Variants in CNTN4 observed in about 807,000 individuals in gnomAD.
CNTN4 encodes contactin 4, also known as contactin-4.
Under a neutral mutation model 122.5 loss-of-function variants are expected in CNTN4, and 77 were observed. The observed-to-expected ratio is 0.63, with a 90% confidence interval of 0.52 to 0.76. The LOEUF (loss-of-function observed/expected upper bound fraction) is 0.76, where lower values mean the gene tolerates loss of function less well. Ranked by LOEUF, CNTN4 falls within the 30% of genes least tolerant of loss-of-function variation. The pLI, the probability that CNTN4 is intolerant of heterozygous loss-of-function variation, is 0.00. For synonymous variants in CNTN4, 512 were observed against 447.0 expected (o/e 1.15, Z -1.83); for missense variants, 1,256 against 1,259.1 (o/e 1.00, Z 0.04).
chr3:2,463,649 C>A (rs1469129761), intron 3 of CNTN4, among the ~76,000 whole-genome samples: 1 of 152,012 alleles, frequency 6.6e-6, no homozygotes, highest in Non-Finnish European at 1.5e-5. Context: ...ATCCCAGCTA[C>A]TTGGGAAGCT....
At chr3:2,480,412 C>T (rs557423877) in intron 3 of CNTN4, among the ~76,000 whole-genome samples, 11 of 152,064 alleles carry the variant, frequency 7.2e-5, no homozygotes, top group South Asian at 4.2e-4. Context: ...TAATTGTAAC[C>T]GAGATGCAGG....
At chr3:2,867,866 A>G (rs938169014) in intron 8 of CNTN4, among the ~76,000 whole-genome samples, 1 of 152,146 alleles carries the variant, frequency 6.6e-6, no homozygotes, top group African/African-American at 2.4e-5. Flanking sequence ...TTTTTAAAGC[A>G]TATGTAGTAC....
chr3:2,952,978 G>C (rs1477961990), intron 13 of CNTN4, among the ~76,000 whole-genome samples: 4 of 152,126 alleles, frequency 2.6e-5, no homozygotes, highest in Non-Finnish European at 5.9e-5. Flanking sequence ...TTGTCATTCT[G>C]CTCATTTTGC....
intron 13 of CNTN4, among the ~76,000 whole-genome samples, chr3:2,981,027 A>G (rs1024051421): frequency 1.3e-5 from 2 of 152,122 alleles, no homozygotes; most frequent in Non-Finnish European, 2.9e-5. Flanking sequence ...GTCTTTTCCT[A>G]TTGGCACAGC....
intron 2 of CNTN4, among the ~76,000 whole-genome samples, chr3:2,205,217 T>A (rs1205621279): frequency 6.6e-6 from 1 of 151,086 alleles, no homozygotes; most frequent in Non-Finnish European, 1.5e-5. Flanking sequence ...ATATCCAAGA[T>A]ATTTTTAATA....
chr3:2,388,820 G>A (rs906944899), intron 3 of CNTN4, among the ~76,000 whole-genome samples: 2 of 151,778 alleles, frequency 1.3e-5, no homozygotes, highest in South Asian at 4.2e-4. Context: ...ACTCCAGCAT[G>A]GGCAACAGAG....
chr3:2,986,069 C>T (rs552472346), intron 13 of CNTN4, among the ~76,000 whole-genome samples: 15 of 152,154 alleles, frequency 9.9e-5, no homozygotes, highest in Admixed American at 9.2e-4. Context: ...CTCAAGCCAG[C>T]ACACCTGGCT....
At chr3:2,226,210 A>G (rs2039276685) in intron 2 of CNTN4, among the ~76,000 whole-genome samples, 1 of 151,952 alleles carries the variant, frequency 6.6e-6, no homozygotes, top group Admixed American at 6.6e-5. Context: ...TTATGTTATT[A>G]TGTTTTATTT....
At position 2,545,617 on chromosome 3, in the gene CNTN4, C is replaced by CT. The variant is rs545099083; in HGVS notation, c.-88-25786dup. ...TGAACCCTTTACTGTTATGTAATGC[C>CT]TTTTTTTTTTTTTATCCTTTTCATC... On this transcript the variant is annotated intron_variant, in intron 3 of 24. Coordinates refer to ENST00000418658, the MANE Select transcript of CNTN4 (RefSeq NM_175607.3). Among the ~76,000 whole-genome samples, 1,357 of 140,110 alleles carry CT rather than the reference C, an allele frequency of 9.7e-3. 16 individuals carry two copies. Among genetic ancestry groups the CT allele is most frequent in the East Asian group, 0.031 (151 of 4,848 alleles). The allele number at this position is 140,110 out of a possible 152,430, so 91.9% of individuals were successfully genotyped here.
chr3:2,264,691 C>T (rs77908224), intron 2 of CNTN4, among the ~76,000 whole-genome samples: 2 of 151,922 alleles, frequency 1.3e-5, no homozygotes, highest in East Asian at 3.9e-4. Flanking sequence ...AGGCCTTACC[C>T]CAAAAATCTT....
chr3:2,961,939 A>G (rs1326159999), intron 13 of CNTN4, among the ~76,000 whole-genome samples: 1 of 152,220 alleles, frequency 6.6e-6, no homozygotes, highest in Non-Finnish European at 1.5e-5. Context: ...CACTTCCTAT[A>G]AAAATCCATT....
Position 2,195,573 on chromosome 3 carries a change from C to T in CNTN4, c.-145+94934C>T, listed in dbSNP as rs189813022. Among the ~76,000 whole-genome samples the T allele has an allele frequency of 2.8e-3, 419 of 152,246 alleles. 2 individuals are homozygous for T. Among genetic ancestry groups the T allele is most frequent in the African/African-American group, 9.3e-3 (385 of 41,562 alleles). On this transcript the variant is annotated intron_variant, in intron 2 of 24. Transcript: ENST00000418658. ...TAGAATTTTGTAGCCTAAGATAAGACATATGGGAGGGAAATTAGCATGTGT... is the reference window on the plus strand; with the variant it reads ...TAGAATTTTGTAGCCTAAGATAAGATATATGGGAGGGAAATTAGCATGTGT...
intron 2 of CNTN4, among the ~76,000 whole-genome samples, chr3:2,261,565 A>G (rs2040834074): frequency 6.6e-6 from 1 of 152,208 alleles, no homozygotes; most frequent in Non-Finnish European, 1.5e-5. Flanking sequence ...ATTTTAATGT[A>G]ACTTGCTACA....
At chr3:2,178,729 T>A (rs1170086059) in intron 2 of CNTN4, among the ~76,000 whole-genome samples, 1 of 152,094 alleles carries the variant, frequency 6.6e-6, no homozygotes, top group Non-Finnish European at 1.5e-5. Context: ...CCTCTTGGCA[T>A]CTGTATCTTT....
chr3:2,299,568 T>C (rs2042431421), intron 2 of CNTN4, among the ~76,000 whole-genome samples: 2 of 152,164 alleles, frequency 1.3e-5, no homozygotes, highest in African/African-American at 2.4e-5. Context: ...ATATTATTTT[T>C]ATGCCATAAT....
At chr3:2,620,931 C>A (rs553201024) in intron 4 of CNTN4, among the ~76,000 whole-genome samples, 3 of 152,144 alleles carry the variant, frequency 2.0e-5, no homozygotes, top group African/African-American at 7.2e-5. Context: ...TTAAAAGACA[C>A]AAACCTAAAC....
chr3:2,853,011 T>A (rs2093571109), intron 7 of CNTN4, among the ~76,000 whole-genome samples: 2 of 152,160 alleles, frequency 1.3e-5, no homozygotes, highest in Admixed American at 6.5e-5. Context: ...TGGTACCAGA[T>A]GGATAGGAAA....
intron 13 of CNTN4, among the ~76,000 whole-genome samples, chr3:2,950,407 G>A (rs957338345): frequency 1.3e-5 from 2 of 151,772 alleles, no homozygotes; most frequent in African/African-American, 4.8e-5. Context: ...ATGAGTTTGG[G>A]AAGCCCCAAA....
chr3:2,412,576 T>C (rs1488864262), intron 3 of CNTN4, among the ~76,000 whole-genome samples: 2 of 152,170 alleles, frequency 1.3e-5, no homozygotes, highest in African/African-American at 4.8e-5. Flanking sequence ...TCGTGTCAGA[T>C]GGGTGTACCC....
Sources: gnomAD v4.1 joint callset for allele counts (sites outside exome capture counted in the v4.1 genomes callset) on GRCh38, gnomAD v4.1.1 for gene constraint, MANE v1.5 for transcripts, NCBI Gene and HGNC (gene_info 2026-07-23, HGNC 2026-07-21) for gene names.